The following GAP43 variants were observed in gnomAD, a reference collection of about 807,000 sequenced individuals.
GAP43 encodes neuromodulin.
In GAP43, 6 loss-of-function variants were observed where a neutral mutation model predicts 18.6. That is an observed-to-expected ratio of 0.32 (90% confidence interval 0.18 to 0.64). The LOEUF is 0.64. Among genes scored for constraint, GAP43 ranks in the 30% least tolerant of loss-of-function variants. GAP43 has a pLI of 0.78. For missense variants in GAP43, 292 were observed against 295.5 expected, an observed-to-expected ratio of 0.99 and a Z score of 0.09; for synonymous variants, 115 against 111.4, an observed-to-expected ratio of 1.03 and a Z score of -0.20.
chr3:115,714,906 G>A (rs533562091), intron 2 of GAP43, among the ~76,000 whole-genome samples: 13 of 149,816 alleles, frequency 8.7e-5, no homozygotes, highest in African/African-American at 2.8e-4. Flanking sequence ...CATACAGCCC[G>A]AGTGTCTTTG....
chr3:115,630,944 AG>A (rs1187250766), intron 1 of GAP43, among the ~76,000 whole-genome samples: 2 of 152,212 alleles, frequency 1.3e-5, no homozygotes, highest in African/African-American at 4.8e-5. Flanking sequence ...AAATGTAGGA[AG>A]GGAAGGAGCA....
Position 115,679,505 on chromosome 3 carries a change from A to G in GAP43, c.628+2895A>G, listed in dbSNP as rs181234183. Reference sequence around the variant, plus strand: ...TACGTGCCTGGGACCAAAACATTTCAGCGCACCTCTGACAATGATTCCTTT... The same window carrying G: ...TACGTGCCTGGGACCAAAACATTTCGGCGCACCTCTGACAATGATTCCTTT... On this transcript the variant is annotated intron_variant, in intron 2 of 2. Coordinates refer to ENST00000305124, the MANE Select transcript of GAP43 (RefSeq NM_002045.4). 1.4e-3 allele frequency among the ~76,000 whole-genome samples: 210 copies of G among 152,284 alleles called. 2 individuals carry two copies. Among genetic ancestry groups the G allele is most frequent in the African/African-American group, 4.8e-3 (200 of 41,546 alleles).
chr3:115,651,855 C>A (rs1014910636), intron 1 of GAP43, among the ~76,000 whole-genome samples: 2 of 152,036 alleles, frequency 1.3e-5, no homozygotes, highest in African/African-American at 4.8e-5. Context: ...TTCTTAGGAT[C>A]CTCTCTATTC....
chr3:115,681,722 C>G lies in GAP43; in HGVS notation c.628+5112C>G, dbSNP rs549272499. Among the ~76,000 whole-genome samples the G allele has an allele frequency of 2.6e-5, 4 of 152,324 alleles. 1 individual carries two copies. The South Asian group carries it at 8.3e-4, about 32-fold the overall frequency. On this transcript the variant is annotated intron_variant, in intron 2 of 2. Coordinates refer to ENST00000305124, the MANE Select transcript of GAP43 (RefSeq NM_002045.4). ...GTAGCACTTAATGAGCATTTATTAA[C>G]TGCCAGGTCCTGTGCTGAGTGCTAT... is the stretch of plus-strand genomic sequence containing the variant.
intron 1 of GAP43, among the ~76,000 whole-genome samples, chr3:115,652,441 G>C (rs748351098): frequency 3.7e-4 from 51 of 138,002 alleles, no homozygotes; most frequent in Non-Finnish European, 5.6e-4. Flanking sequence ...TAAGTGCAGT[G>C]GTGGCACCAT....
chr3:115,672,254 T>C (rs1708822184), intron 1 of GAP43, among the ~76,000 whole-genome samples: 1 of 152,188 alleles, frequency 6.6e-6, no homozygotes, highest in South Asian at 2.1e-4. Context: ...GGGCTGTCCC[T>C]TTTGGAAAGT....
chr3:115,663,633 A>G, intron 1 of GAP43: 1 of 1,391,780 alleles, frequency 7.2e-7, no homozygotes, highest in Non-Finnish European at 9.3e-7. Flanking sequence ...TGACGAGGTC[A>G]TAACACCTCA....
intron 1 of GAP43, among the ~76,000 whole-genome samples, chr3:115,646,815 T>C (rs150386529): frequency 1.3e-5 from 2 of 152,164 alleles, no homozygotes; most frequent in East Asian, 3.9e-4. Flanking sequence ...AGTCTTAATA[T>C]AAAAGATGTG....
intron 1 of GAP43, among the ~76,000 whole-genome samples, chr3:115,649,822 A>AAAAAAAAAAAAAG (rs375806733): frequency 7.3e-6 from 1 of 137,264 alleles, no homozygotes; most frequent in Admixed American, 7.6e-5. Flanking sequence ...AAAAAAAAAA[A>AAAAAAAAAAAAAG]AAAGAAAGAA....
chr3:115,652,083 A>C (rs1192709604), intron 1 of GAP43, among the ~76,000 whole-genome samples: 1 of 152,150 alleles, frequency 6.6e-6, no homozygotes, highest in East Asian at 1.9e-4. Context: ...CTGTACTAAG[A>C]TGCTTCTAGT....
chr3:115,721,015 C>T lies in GAP43; in HGVS notation c.*133C>T. 4.6e-6 allele frequency: 2 copies of T among 433,996 alleles called. No homozygotes were observed. Among genetic ancestry groups the T allele is most frequent in the Non-Finnish European group, 8.4e-6 (2 of 237,766 alleles). The allele number at this position is 433,996 out of a possible 1,614,324, so 26.9% of individuals were successfully genotyped here. A position where few individuals can be genotyped will look rare whatever the true frequency, so the allele number is the denominator to read the frequency against. On this transcript the variant is annotated 3_prime_UTR_variant, in exon 3 of 3. Coordinates refer to ENST00000305124, the MANE Select transcript of GAP43 (RefSeq NM_002045.4). ...CTGTGAGTCTGTCCTTTCCCACCCACTAGCCCTCTTTCTCTCTGTGTGGCA... is the reference window on the plus strand; with the variant it reads ...CTGTGAGTCTGTCCTTTCCCACCCATTAGCCCTCTTTCTCTCTGTGTGGCA...
chr3:115,699,240 T>G (rs1709266109), intron 2 of GAP43, among the ~76,000 whole-genome samples: 1 of 152,202 alleles, frequency 6.6e-6, no homozygotes, highest in African/African-American at 2.4e-5. Flanking sequence ...TCACCACATG[T>G]GTGAAGTGCA....
intron 2 of GAP43, among the ~76,000 whole-genome samples, chr3:115,716,325 T>C (rs774446994): frequency 2.1e-4 from 32 of 152,160 alleles, no homozygotes; most frequent in Non-Finnish European, 4.4e-4. Flanking sequence ...TTGGATTCTG[T>C]TTATAATAAG....
intron 1 of GAP43, among the ~76,000 whole-genome samples, chr3:115,653,780 G>T (rs891065545): frequency 1.3e-5 from 2 of 152,116 alleles, no homozygotes; most frequent in African/African-American, 4.8e-5. Flanking sequence ...CCTAGAGTTT[G>T]AGTAATGCCA....
chr3:115,663,644 G>A, intron 1 of GAP43: 1 of 1,426,542 alleles, frequency 7.0e-7, no homozygotes, highest in Non-Finnish European at 9.1e-7. Flanking sequence ...TAACACCTCA[G>A]CCCTTGCTTA....
intron 1 of GAP43, among the ~76,000 whole-genome samples, chr3:115,668,224 G>A (rs554620034): frequency 4.1e-4 from 63 of 152,262 alleles, no homozygotes; most frequent in African/African-American, 1.5e-3. Context: ...CTTGGTACAT[G>A]ACCAGCATGA....
In GAP43 at chr3:115,687,112, CCT is replaced by C. The variant is rs202158004; in HGVS notation, c.628+10505_628+10506del. Among the ~76,000 whole-genome samples the C allele has an allele frequency of 1.5e-3, 52 of 34,348 alleles. 1 individual carries two copies. Among genetic ancestry groups the C allele is most frequent in the East Asian group, 9.3e-3 (7 of 756 alleles). 22.5% of individuals were successfully genotyped at this position (34,348 alleles called of 152,430 possible). A position where few individuals can be genotyped will look rare whatever the true frequency, so the allele number is the denominator to read the frequency against. On this transcript the variant is annotated intron_variant, in intron 2 of 2. Transcript: ENST00000305124. Reference sequence around the variant, plus strand: ...TGACTGAAGATGTCCTGAAATCCCCCCTCTTTTTTTTTTTTTGCATCTATCCC... The same window carrying C: ...TGACTGAAGATGTCCTGAAATCCCCCCTTTTTTTTTTTTTGCATCTATCCC...
chr3:115,682,981 G>A (rs556643917), intron 2 of GAP43, among the ~76,000 whole-genome samples: 1 of 152,074 alleles, frequency 6.6e-6, no homozygotes, highest in Admixed American at 6.6e-5. Context: ...AAAAGAATCT[G>A]GAAAACAGAC....
intron 1 of GAP43, among the ~76,000 whole-genome samples, chr3:115,637,773 A>C (rs1708347621): frequency 6.6e-6 from 1 of 151,862 alleles, no homozygotes. Context: ...CCCCAATCTC[A>C]ACAGGTCTTA....
Sources: gnomAD v4.1 joint callset for allele counts (sites outside exome capture counted in the v4.1 genomes callset) on GRCh38, gnomAD v4.1.1 for gene constraint, MANE v1.5 for transcripts, NCBI Gene and HGNC (gene_info 2026-07-23, HGNC 2026-07-21) for gene names.